Variants in NBEA observed in about 807,000 individuals in gnomAD.
NBEA encodes lysosomal-trafficking regulator 2.
A neutral mutation model predicts 343.4 loss-of-function variants in NBEA; 44 were observed. That is an observed-to-expected ratio of 0.13 (90% CI 0.10 to 0.16). The LOEUF is 0.16. Among genes scored for constraint, NBEA ranks in the 10% least tolerant of loss-of-function variants. The pLI is 1.00. For synonymous variants in NBEA, 1,175 were observed against 1,238.7 expected (o/e 0.95, Z 1.08); for missense variants, 2,555 against 3,631.3 (o/e 0.70, Z 7.62).
chr13:35,353,228 G>C (rs1475642303), intron 38 of NBEA, among the ~76,000 whole-genome samples: 1 of 152,140 alleles, frequency 6.6e-6, no homozygotes, highest in Non-Finnish European at 1.5e-5. Context: ...CTGAGGTCAG[G>C]AGTTTGAGAC....
intron 34 of NBEA, among the ~76,000 whole-genome samples, chr13:35,260,624 A>G (rs1162169918): frequency 6.6e-6 from 1 of 152,254 alleles, no homozygotes; most frequent in Non-Finnish European, 1.5e-5. Context: ...AAGAGGAAGC[A>G]TCACAGTAAA....
chr13:35,151,599 G>A (rs1253090206), intron 18 of NBEA, among the ~76,000 whole-genome samples: 2 of 150,464 alleles, frequency 1.3e-5, no homozygotes, highest in Middle Eastern at 3.5e-3. Flanking sequence ...GGACATGTCA[G>A]ACAACATTGT....
intron 57 of NBEA, 63 bp downstream of exon 57, chr13:35,667,633 A>T: frequency 1.4e-6 from 2 of 1,381,560 alleles, no homozygotes. Context: ...TGATTGTTTT[A>T]CATTAAATAA....
intron 36 of NBEA, among the ~76,000 whole-genome samples, chr13:35,347,920 T>C (rs900022267): frequency 6.6e-6 from 1 of 151,986 alleles, no homozygotes; most frequent in Non-Finnish European, 1.5e-5. Context: ...CCATGTGATG[T>C]GGGCTTCTCT....
chr13:35,501,818 A>G (rs2076898735), intron 41 of NBEA, among the ~76,000 whole-genome samples: 1 of 152,134 alleles, frequency 6.6e-6, no homozygotes. Context: ...TGCAACTGCA[A>G]AGCCTCCAAT....
intron 34 of NBEA, among the ~76,000 whole-genome samples, chr13:35,281,421 G>A (rs2035043168): frequency 6.6e-6 from 1 of 152,032 alleles, no homozygotes; most frequent in Non-Finnish European, 1.5e-5. Context: ...TGTTTTTTCA[G>A]GGTATTTCAA....
chr13:35,192,013 G>C (rs2072236124), intron 30 of NBEA, among the ~76,000 whole-genome samples: 1 of 151,990 alleles, frequency 6.6e-6, no homozygotes, highest in Admixed American at 6.6e-5. Flanking sequence ...AAGAAAAAGA[G>C]ACATCTGGCA....
chr13:35,101,694 T>C (rs1269802061), intron 11 of NBEA, among the ~76,000 whole-genome samples: 1 of 151,842 alleles, frequency 6.6e-6, no homozygotes, highest in African/African-American at 2.4e-5. Context: ...AAGTTGAACA[T>C]ATATTTATTT....
intron 1 of NBEA, among the ~76,000 whole-genome samples, chr13:34,991,881 A>G (rs527889025): frequency 2.6e-5 from 4 of 152,092 alleles, no homozygotes; most frequent in African/African-American, 7.2e-5. Flanking sequence ...AAATTTAAAA[A>G]TGTGTTTATT....
At chr13:35,251,095 C>T in intron 34 of NBEA, 1 of 186,232 alleles carries the variant, frequency 5.4e-6, no homozygotes, top group Non-Finnish European at 1.2e-5. Context: ...TTGCACGAGG[C>T]ATGGTGAACT....
intron 38 of NBEA, among the ~76,000 whole-genome samples, chr13:35,373,159 G>A (rs2041541047): frequency 6.6e-6 from 1 of 152,068 alleles, no homozygotes; most frequent in African/African-American, 2.4e-5. Flanking sequence ...TGAGTGGGCT[G>A]CCTCACATCC....
At chr13:35,577,257 G>A (rs1218887412) in intron 45 of NBEA, among the ~76,000 whole-genome samples, 1 of 152,118 alleles carries the variant, frequency 6.6e-6, no homozygotes, top group Non-Finnish European at 1.5e-5. Context: ...ATGATTGACA[G>A]GTCTAGATCC....
intron 41 of NBEA, among the ~76,000 whole-genome samples, chr13:35,473,283 T>C (rs1182049723): frequency 1.3e-5 from 2 of 152,236 alleles, no homozygotes; most frequent in African/African-American, 4.8e-5. Context: ...TGCAAACTTC[T>C]ATTCTGGGGT....
chr13:35,199,464 C>T (rs1407229293), intron 31 of NBEA, among the ~76,000 whole-genome samples: 1 of 152,122 alleles, frequency 6.6e-6, no homozygotes, highest in Non-Finnish European at 1.5e-5. Flanking sequence ...TAGATATAAA[C>T]TCAGTTGGTC....
At chr13:35,312,430 C>T (rs2037431291) in intron 36 of NBEA, among the ~76,000 whole-genome samples, 1 of 152,140 alleles carries the variant, frequency 6.6e-6, no homozygotes, top group South Asian at 2.1e-4. Context: ...AGACATGTTA[C>T]TGGAGAGCTA....
intron 48 of NBEA, among the ~76,000 whole-genome samples, chr13:35,623,567 T>C (rs1348550961): frequency 6.6e-6 from 1 of 152,106 alleles, no homozygotes; most frequent in African/African-American, 2.4e-5. Context: ...TAACTATAAT[T>C]AATTATTTAT....
At chr13:35,409,202 G>A (rs1357335461) in intron 38 of NBEA, among the ~76,000 whole-genome samples, 3 of 152,090 alleles carry the variant, frequency 2.0e-5, no homozygotes, top group African/African-American at 4.8e-5. Context: ...CGGGGACTTC[G>A]ATAGAGCTGG....
At position 35,151,543 on chromosome 13, in the gene NBEA, CA is replaced by C. The variant is rs35047334; in HGVS notation, c.2446-4213del. The stretch of plus-strand genomic sequence containing the variant: ...GAGCAAGAAGAGCAAAACTCTGTCT[CA>C]AAAAAAAAAAAAAAAAATTAAGGCA... On this transcript the variant is annotated intron_variant, in intron 18 of 58. Transcript: ENST00000379939. 7.8e-3 allele frequency among the ~76,000 whole-genome samples: 738 copies of C among 94,196 alleles called. 1 individual carries two copies. The highest frequency in any genetic ancestry group is 0.021 in the Middle Eastern group (3 of 146). The allele number at this position is 94,196 out of a possible 152,430, so 61.8% of individuals were successfully genotyped here. A position where few individuals can be genotyped will look rare whatever the true frequency, so the allele number is the denominator to read the frequency against.
chr13:35,016,795 TAAGA>T (rs1456271902), intron 1 of NBEA, among the ~76,000 whole-genome samples: 1 of 152,066 alleles, frequency 6.6e-6, no homozygotes, highest in South Asian at 2.1e-4. Flanking sequence ...CTGAGAAGTA[TAAGA>T]AAGAGTCAGT....
Sources: allele counts gnomAD v4.1 joint callset (sites outside exome capture counted in the v4.1 genomes callset), GRCh38; gene constraint gnomAD v4.1.1; transcripts MANE v1.5; gene names NCBI Gene and HGNC (gene_info 2026-07-23, HGNC 2026-07-21).